The following CDH13 variants were observed in gnomAD, a reference collection of about 807,000 sequenced individuals.
The protein encoded by CDH13 is cadherin-13.
A neutral mutation model predicts 63.8 loss-of-function variants in CDH13; 24 were observed. The ratio of observed to expected loss-of-function variants is 0.38; its 90% CI spans 0.27 to 0.53. CDH13 has a LOEUF of 0.53. Ranked by LOEUF, CDH13 falls within the 20% of genes least tolerant of loss-of-function variation. The pLI, the probability that CDH13 is intolerant of heterozygous loss-of-function variation, is 0.85. For synonymous variants in CDH13, 503 were observed against 355.3 expected (o/e 1.42, Z -4.67); for missense variants, 1,049 against 903.1 (o/e 1.16, Z -2.07).
At chr16:82,662,524 C>T (rs1456603333) in intron 1 of CDH13, among the ~76,000 whole-genome samples, 1 of 152,138 alleles carries the variant, frequency 6.6e-6, no homozygotes, top group Admixed American at 6.5e-5. Flanking sequence ...TGAGATTGAC[C>T]AGATGGCTTG....
At chr16:83,050,467 C>T in intron 3 of CDH13, among the ~76,000 whole-genome samples, 1 of 152,194 alleles carries the variant, frequency 6.6e-6, no homozygotes, top group Non-Finnish European at 1.5e-5. Flanking sequence ...CCATACTGTC[C>T]TTGTTCTCCC....
At chr16:82,941,178 T>G (rs1221688959) in intron 2 of CDH13, among the ~76,000 whole-genome samples, 1 of 152,198 alleles carries the variant, frequency 6.6e-6, no homozygotes, top group Non-Finnish European at 1.5e-5. Flanking sequence ...CCACATTCAT[T>G]TATTTATTCA....
intron 4 of CDH13, among the ~76,000 whole-genome samples, chr16:83,160,635 C>G (rs1266659924): frequency 6.6e-6 from 1 of 152,196 alleles, no homozygotes; most frequent in Non-Finnish European, 1.5e-5. Context: ...ATCCTACAAA[C>G]CTCTCCAGCT....
chr16:83,107,223 C>G (rs1339936589), intron 3 of CDH13, among the ~76,000 whole-genome samples: 1 of 152,126 alleles, frequency 6.6e-6, no homozygotes, highest in Non-Finnish European at 1.5e-5. Flanking sequence ...AGGCAGGTAG[C>G]TAAGAGTCCC....
chr16:83,122,678 T>A (rs1457370166), intron 3 of CDH13, among the ~76,000 whole-genome samples: 3 of 152,252 alleles, frequency 2.0e-5, no homozygotes, highest in Admixed American at 6.5e-5. Flanking sequence ...AGTTGCTTTT[T>A]ATTTTTTATT....
chr16:83,794,681 A>G (rs1288025822), intron 13 of CDH13, among the ~76,000 whole-genome samples: 1 of 152,004 alleles, frequency 6.6e-6, no homozygotes, highest in East Asian at 1.9e-4. Context: ...ATAATCACCA[A>G]TCTCTAAGAT....
intron 8 of CDH13, among the ~76,000 whole-genome samples, chr16:83,634,226 G>C (rs1911054606): frequency 6.6e-6 from 1 of 151,626 alleles, no homozygotes. Flanking sequence ...ATACAGGACA[G>C]CTGCATGGTC....
At chr16:82,913,648 G>C (rs770533942) in intron 2 of CDH13, among the ~76,000 whole-genome samples, 9 of 152,174 alleles carry the variant, frequency 5.9e-5, no homozygotes, top group Non-Finnish European at 1.2e-4. Context: ...GATCGCTGAC[G>C]AGAGAGCTGC....
chr16:83,526,955 A>G (rs2074975890), intron 7 of CDH13, among the ~76,000 whole-genome samples: 1 of 152,036 alleles, frequency 6.6e-6, no homozygotes, highest in Admixed American at 6.6e-5. Context: ...AACATGGTGA[A>G]ACCCCGTCTA....
chr16:82,971,797 G>A (rs1283970789), intron 2 of CDH13, among the ~76,000 whole-genome samples: 3 of 152,192 alleles, frequency 2.0e-5, no homozygotes, highest in Non-Finnish European at 4.4e-5. Flanking sequence ...AACTGCCTGT[G>A]CCCCTTAAAT....
chr16:82,759,188 G>A (rs2034735185), intron 1 of CDH13, among the ~76,000 whole-genome samples: 1 of 152,174 alleles, frequency 6.6e-6, no homozygotes, highest in South Asian at 2.1e-4. Context: ...GCTCCTTAGA[G>A]TGTCCCCACT....
At chr16:83,191,461 A>ATATATG (rs1268526255) in intron 4 of CDH13, among the ~76,000 whole-genome samples, 3 of 61,774 alleles carry the variant, frequency 4.9e-5, no homozygotes, top group Non-Finnish European at 2.8e-5. Context: ...AATAGGAAAT[A>ATATATG]TATATATATA....
intron 8 of CDH13, among the ~76,000 whole-genome samples, chr16:83,654,499 G>A (rs1417329896): frequency 2.0e-5 from 3 of 152,040 alleles, no homozygotes; most frequent in South Asian, 2.1e-4. Flanking sequence ...GCAAGATGTC[G>A]GGATCAGGGG....
At chr16:83,225,430 G>C (rs1164143717) in intron 5 of CDH13, among the ~76,000 whole-genome samples, 1 of 152,132 alleles carries the variant, frequency 6.6e-6, no homozygotes, top group Non-Finnish European at 1.5e-5. Flanking sequence ...ATTTGTCCCA[G>C]GCTTCCTTGC....
chr16:83,346,850 G>T (rs1432543360), intron 6 of CDH13, among the ~76,000 whole-genome samples: 1 of 152,110 alleles, frequency 6.6e-6, no homozygotes, highest in East Asian at 1.9e-4. Flanking sequence ...TTAAATCACA[G>T]AGTTATTCAG....
intron 2 of CDH13, among the ~76,000 whole-genome samples, chr16:82,872,343 T>C (rs2040369578): frequency 6.6e-6 from 1 of 152,240 alleles, no homozygotes. Flanking sequence ...CTTCAACCTG[T>C]TGAGTGTCTT....
intron 3 of CDH13, among the ~76,000 whole-genome samples, chr16:83,061,912 C>G (rs2031587667): frequency 6.6e-6 from 1 of 152,178 alleles, no homozygotes; most frequent in African/African-American, 2.4e-5. Context: ...AGATGCTTAC[C>G]TGAAGGAGAG....
intron 6 of CDH13, among the ~76,000 whole-genome samples, chr16:83,419,548 A>G (rs923055548): frequency 2.0e-5 from 3 of 152,178 alleles, no homozygotes; most frequent in Non-Finnish European, 2.9e-5. Flanking sequence ...AACAATTGCC[A>G]TGCTCTACCA....
chr16:82,957,282 G>C lies in CDH13; in HGVS notation c.158-74728G>C, dbSNP rs559364808. On this transcript the variant is annotated intron_variant, in intron 2 of 13. Transcript: ENST00000567109. ...AATCAAGAGCTATTGGTCTTTCTTT[G>C]GGGGACAAATAGAAGTTTCTGGTAA... Among the ~76,000 whole-genome samples the C allele has an allele frequency of 6.6e-5, 10 of 152,232 alleles. No individual in the cohort carries two copies. In the East Asian group the frequency reaches 1.3e-3, roughly 21 times the overall value.
Sources: gnomAD v4.1 joint callset for allele counts (sites outside exome capture counted in the v4.1 genomes callset) on GRCh38, gnomAD v4.1.1 for gene constraint, MANE v1.5 for transcripts, NCBI Gene and HGNC (gene_info 2026-07-23, HGNC 2026-07-21) for gene names.